Variants in TNPO1 observed in about 807,000 individuals in gnomAD.
TNPO1 encodes transportin-1.
In TNPO1, 8 loss-of-function variants were observed where a neutral mutation model predicts 119.5. The observed-to-expected ratio is 0.07, with a 90% CI of 0.04 to 0.12. The LOEUF is 0.12. TNPO1 is among the 10% of genes least tolerant of loss of function. The pLI is 1.00. For missense variants in TNPO1, 576 were observed against 1,089.8 expected (o/e 0.53, Z 6.64); for synonymous variants, 362 against 363.0 (o/e 1.00, Z 0.03).
At position 72,877,425 on chromosome 5, in the gene TNPO1, T is replaced by G. The variant is rs547808486; in HGVS notation, c.920+79T>G. Reference sequence around the variant, plus strand: ...CTTCATTTTCATATTTTTATAAAATTCATTCTTTTGCCATCAGGGAGTGAG... The same window carrying G: ...CTTCATTTTCATATTTTTATAAAATGCATTCTTTTGCCATCAGGGAGTGAG... On this transcript the variant is annotated intron_variant, in intron 9 of 24. Transcript: ENST00000337273. The G allele has an allele frequency of 7.3e-5, 54 of 736,672 alleles. No homozygotes were observed. In the East Asian group the frequency reaches 9.0e-4, roughly 12 times the overall value. 45.6% of individuals were successfully genotyped at this position (736,672 alleles called of 1,614,324 possible). A position where few individuals can be genotyped will look rare whatever the true frequency, so the allele number is the denominator to read the frequency against.
rs549701789 is a variant in TNPO1, at chr5:72,843,709, T to C, written c.16-4676T>C. Among the ~76,000 whole-genome samples the C allele has an allele frequency of 2.8e-4, 43 of 152,330 alleles. 1 individual carries two copies. Among genetic ancestry groups the C allele is most frequent in the South Asian group, 4.1e-4 (2 of 4,822 alleles). ...TTGTTTACCATTTTGGGAAATGACG[T>C]CACTAATAGCAACATTTCTCACATT... is the stretch of plus-strand genomic sequence containing the variant. On this transcript the variant is annotated intron_variant, in intron 1 of 24. Transcript: ENST00000337273.
intron 11 of TNPO1, among the ~76,000 whole-genome samples, chr5:72,885,742 G>GT (rs1748574403): frequency 1.1e-5 from 1 of 92,600 alleles, no homozygotes; most frequent in African/African-American, 3.3e-5. Flanking sequence ...GGTTTGGTTT[G>GT]GTTTTTTTTT....
At chr5:72,829,548 A>G (rs1744354220) in intron 1 of TNPO1, among the ~76,000 whole-genome samples, 3 of 152,244 alleles carry the variant, frequency 2.0e-5, no homozygotes, top group Non-Finnish European at 2.9e-5. Context: ...TCCCTCAAGG[A>G]TAGGAGTGGC....
In TNPO1 at chr5:72,860,516, A is replaced by G. The variant is rs149682274; in HGVS notation, c.356-1292A>G. On this transcript the variant is annotated intron_variant, in intron 4 of 24. Transcript: ENST00000337273. ...TGTGTATTTGCATAATTCATTGACT[A>G]TCACAACTCTACTGCATAACACAGT... Among the ~76,000 whole-genome samples the G allele has an allele frequency of 5.3e-5, 8 of 152,358 alleles. No individual in the cohort carries two copies. The East Asian group carries it at 5.8e-4, about 11-fold the overall frequency.
chr5:72,881,659 CTT>C, intron 9 of TNPO1, among the ~76,000 whole-genome samples: 1 of 152,244 alleles, frequency 6.6e-6, no homozygotes, highest in African/African-American at 2.4e-5. Context: ...CTTTATTACT[CTT>C]TTGATATTCT....
intron 7 of TNPO1, among the ~76,000 whole-genome samples, chr5:72,873,936 C>G (rs1336573147): frequency 6.6e-6 from 1 of 151,912 alleles, no homozygotes; most frequent in Non-Finnish European, 1.5e-5. Context: ...TGCAATTATC[C>G]TGGTGTTTTC....
chr5:72,847,987 A>G, intron 1 of TNPO1: 2 of 906,920 alleles, frequency 2.2e-6, no homozygotes, highest in Non-Finnish European at 2.6e-6. Flanking sequence ...TAAGGACTTG[A>G]CTTTTTATTA....
chr5:72,840,739 G>GC lies in TNPO1; in HGVS notation c.16-7645dup, dbSNP rs1227334866. ...GTAAACTTTAACTAGCATTTAGTAAGCATGTCTAGTCATCTTCAAAGTTCT... is the reference window on the plus strand; with the variant it reads ...GTAAACTTTAACTAGCATTTAGTAAGCCATGTCTAGTCATCTTCAAAGTTCT... On this transcript the variant is annotated intron_variant, in intron 1 of 24. Transcript: ENST00000337273. Among the ~76,000 whole-genome samples the GC allele has an allele frequency of 5.9e-5, 9 of 152,170 alleles. No homozygotes were observed. The East Asian group carries it at 1.7e-3, about 29-fold the overall frequency.
At chr5:72,822,471 A>G (rs1275966751) in intron 1 of TNPO1, among the ~76,000 whole-genome samples, 2 of 152,142 alleles carry the variant, frequency 1.3e-5, no homozygotes, top group Non-Finnish European at 2.9e-5. Context: ...TTCTTAGAGA[A>G]ACACGTGAGT....
Position 72,896,438 on chromosome 5 carries a change from A to C in TNPO1, c.2144-20A>C. On this transcript the variant is annotated intron_variant, in intron 18 of 24. Coordinates refer to ENST00000337273, the MANE Select transcript of TNPO1 (RefSeq NM_002270.4). The stretch of plus-strand genomic sequence containing the variant: ...ACTGCTATTGAAAAGTTTACTACAT[A>C]GTTTAAATTTTTTTTCTAGCTGATT... 1 of 1,581,384 alleles carries C rather than the reference A, an allele frequency of 6.3e-7. No homozygotes were observed. The highest frequency in any genetic ancestry group is 8.7e-7 in the Non-Finnish European group (1 of 1,152,310).
At chr5:72,888,381 T>G in intron 13 of TNPO1, 78 bp downstream of exon 13, 2 of 1,262,276 alleles carry the variant, frequency 1.6e-6, no homozygotes, top group East Asian at 4.7e-5. Flanking sequence ...AGTGTTGGTG[T>G]TAAACCTATA....
intron 9 of TNPO1, among the ~76,000 whole-genome samples, chr5:72,877,973 ATAGT>A (rs1194225996): frequency 2.6e-5 from 4 of 152,276 alleles, no homozygotes; most frequent in African/African-American, 9.6e-5. Context: ...CATCTTGCCT[ATAGT>A]TAGTGCTTAA....
At chr5:72,845,999 A>G (rs899544600) in intron 1 of TNPO1, among the ~76,000 whole-genome samples, 5 of 152,208 alleles carry the variant, frequency 3.3e-5, no homozygotes, top group African/African-American at 1.2e-4. Context: ...CACTGGTATC[A>G]GGGGAAATTA....
At chr5:72,872,092 A>G (rs538291825) in intron 6 of TNPO1, among the ~76,000 whole-genome samples, 12 of 152,294 alleles carry the variant, frequency 7.9e-5, no homozygotes, top group South Asian at 2.1e-4. Context: ...GTTTGGCACA[A>G]TGGAAGTCAG....
intron 13 of TNPO1, 115 bp from the exon 14 acceptor site, chr5:72,889,671 T>C (rs1748910577): frequency 2.6e-6 from 3 of 1,162,864 alleles, no homozygotes; most frequent in Admixed American, 5.6e-5. Context: ...AACAGATGGC[T>C]TAGACCATTT....
intron 24 of TNPO1, among the ~76,000 whole-genome samples, chr5:72,906,743 T>C (rs1213373546): frequency 2.0e-5 from 3 of 152,226 alleles, no homozygotes; most frequent in Non-Finnish European, 2.9e-5. Flanking sequence ...TTGAGTTATG[T>C]TGAGGATTAA....
chr5:72,893,767 T>G, intron 18 of TNPO1, 64 bp downstream of exon 18: 1 of 1,418,694 alleles, frequency 7.0e-7, no homozygotes, highest in Non-Finnish European at 9.8e-7. Flanking sequence ...TCAGCTTTGT[T>G]TTTTTATTAT....
At position 72,883,112 on chromosome 5, in the gene TNPO1, C is replaced by T. The variant is rs560217292; in HGVS notation, c.1030C>T (p.Arg344Trp). The T allele has an allele frequency of 6.8e-6, 11 of 1,613,650 alleles. No individual in the cohort carries two copies. Among genetic ancestry groups the T allele is most frequent in the Admixed American group, 3.3e-5 (2 of 59,992 alleles). Residue 344 changes from arginine to tryptophan, a missense_variant, in exon 11 of 25, where the codon CGG (arginine) becomes TGG (tryptophan). This residue lies in a region of TNPO1 where 310 missense variants were observed against 583.0 expected (regional missense o/e 0.53). Transcript: ENST00000337273. ...ETIPDSEQDI[R>W]PRFHRSRTVA... ...GATTCCTGATAGTGAACAGGATATACGGCCACGTTTTCACCGATCGAGGAC... is the reference window on the plus strand; with the variant it reads ...GATTCCTGATAGTGAACAGGATATATGGCCACGTTTTCACCGATCGAGGAC...
At chr5:72,876,794 C>T (rs1747811400) in intron 8 of TNPO1, among the ~76,000 whole-genome samples, 1 of 152,030 alleles carries the variant, frequency 6.6e-6, no homozygotes, top group African/African-American at 2.4e-5. Flanking sequence ...ACCTAGGAAA[C>T]TTTAAAAATT....
Sources: allele counts gnomAD v4.1 joint callset (sites outside exome capture counted in the v4.1 genomes callset), GRCh38; gene constraint gnomAD v4.1.1; regional missense constraint gnomAD v4.1.1; transcripts MANE v1.5; gene names NCBI Gene and HGNC (gene_info 2026-07-23, HGNC 2026-07-21).